PRR16: variants seen among roughly 807,000 people sequenced by gnomAD.
PRR16 encodes the protein protein Largen.
Under a neutral mutation model 18.2 loss-of-function variants are expected in PRR16, and 6 were observed. The observed-to-expected ratio is 0.33, with a 90% CI of 0.18 to 0.65. The LOEUF is 0.65. PRR16 is among the 30% of genes least tolerant of loss of function. PRR16 has a pLI of 0.74. For synonymous variants in PRR16, 151 were observed against 147.8 expected (o/e 1.02, Z -0.16); for missense variants, 412 against 376.6 (o/e 1.09, Z -0.78).
the PRR16 span, among the ~76,000 whole-genome samples, chr5:120,720,315 C>T: frequency 2.0e-5 from 3 of 151,770 alleles, no homozygotes; most frequent in Admixed American, 6.6e-5. Context: ...TTTATTCTGC[C>T]ATTTTTCCAC....
intron 1 of PRR16, among the ~76,000 whole-genome samples, chr5:120,490,630 C>G (rs1019198778): frequency 1.3e-5 from 2 of 152,180 alleles, no homozygotes; most frequent in Non-Finnish European, 2.9e-5. Context: ...GTTTGATTGT[C>G]TGAAGCCTTC....
At chr5:120,596,323 G>A (rs1194073715) in intron 1 of PRR16, among the ~76,000 whole-genome samples, 3 of 151,564 alleles carry the variant, frequency 2.0e-5, no homozygotes, top group Non-Finnish European at 3.0e-5. Flanking sequence ...AGTCCCCAGG[G>A]TGAAGTTAAA....
the PRR16 span, among the ~76,000 whole-genome samples, chr5:120,741,245 A>G: frequency 6.6e-6 from 1 of 151,884 alleles, no homozygotes; most frequent in Non-Finnish European, 1.5e-5. Flanking sequence ...TCATATATTT[A>G]TTTATTTATT....
At chr5:120,705,079 A>G in the PRR16 span, among the ~76,000 whole-genome samples, 1 of 100,338 alleles carries the variant, frequency 1.0e-5, no homozygotes, top group East Asian at 2.4e-4. Context: ...TGTCCATTGT[A>G]AAAAAAAAAG....
At chr5:120,749,477 G>C in the PRR16 span, among the ~76,000 whole-genome samples, 2 of 152,054 alleles carry the variant, frequency 1.3e-5, no homozygotes, top group South Asian at 2.1e-4. Flanking sequence ...TCAAATGTAA[G>C]TCTTTTAATA....
the PRR16 span, among the ~76,000 whole-genome samples, chr5:120,749,233 A>G: frequency 6.6e-6 from 1 of 152,156 alleles, no homozygotes; most frequent in African/African-American, 2.4e-5. Context: ...TATCATCATC[A>G]TAAACATTCT....
At chr5:120,602,822 T>G (rs1467871103) in intron 1 of PRR16, among the ~76,000 whole-genome samples, 1 of 151,982 alleles carries the variant, frequency 6.6e-6, no homozygotes, top group Non-Finnish European at 1.5e-5. Flanking sequence ...TTCAGTTGAT[T>G]ATGTGGTTTA....
chr5:120,745,307 T>C, the PRR16 span, among the ~76,000 whole-genome samples: 1 of 152,238 alleles, frequency 6.6e-6, no homozygotes, highest in Non-Finnish European at 1.5e-5. Flanking sequence ...TTCTGCTTTT[T>C]CTCTCTGCTT....
intron 1 of PRR16, among the ~76,000 whole-genome samples, chr5:120,663,268 T>G (rs1186340042): frequency 1.3e-5 from 2 of 152,118 alleles, no homozygotes; most frequent in African/African-American, 4.8e-5. Flanking sequence ...CCTTCTTAGT[T>G]TTTTTGGTTT....
intron 1 of PRR16, among the ~76,000 whole-genome samples, chr5:120,581,343 T>A (rs1753265688): frequency 6.6e-6 from 1 of 152,216 alleles, no homozygotes. Context: ...GTAGTTTGTA[T>A]TTCTGTGGGA....
intron 1 of PRR16, among the ~76,000 whole-genome samples, chr5:120,598,960 T>C (rs1442334456): frequency 2.0e-5 from 3 of 151,940 alleles, no homozygotes; most frequent in Non-Finnish European, 4.4e-5. Flanking sequence ...CTTTATATTA[T>C]AGGTTTGCCT....
the PRR16 span, among the ~76,000 whole-genome samples, chr5:120,703,012 T>A: frequency 1.3e-5 from 2 of 152,172 alleles, no homozygotes; most frequent in Admixed American, 6.5e-5. Context: ...GTGAGCAACA[T>A]GGCTGTTTAT....
At chr5:120,630,296 T>C (rs750296656) in intron 1 of PRR16, among the ~76,000 whole-genome samples, 9 of 152,134 alleles carry the variant, frequency 5.9e-5, no homozygotes, top group Non-Finnish European at 1.2e-4. Flanking sequence ...CAGATTGTCT[T>C]TTTTTATTAT....
chr5:120,734,404 T>C, the PRR16 span, among the ~76,000 whole-genome samples: 1 of 152,206 alleles, frequency 6.6e-6, no homozygotes, highest in African/African-American at 2.4e-5. Flanking sequence ...ATTTATAATA[T>C]GTTCTTTTCA....
intron 1 of PRR16, among the ~76,000 whole-genome samples, chr5:120,597,418 A>G (rs762274907): frequency 6.6e-6 from 1 of 151,570 alleles, no homozygotes; most frequent in Non-Finnish European, 1.5e-5. Context: ...TTTTTTGTGT[A>G]TTAATGTTTC....
At chr5:120,775,416 T>C in the PRR16 span, among the ~76,000 whole-genome samples, 1 of 152,202 alleles carries the variant, frequency 6.6e-6, no homozygotes, top group African/African-American at 2.4e-5. Context: ...GTGTTGTCCA[T>C]TCTACACCCT....
intron 1 of PRR16, among the ~76,000 whole-genome samples, chr5:120,561,407 A>G (rs1012871048): frequency 2.0e-5 from 3 of 151,794 alleles, no homozygotes; most frequent in Non-Finnish European, 4.4e-5. Context: ...TTTAATTTCT[A>G]TGTCTTTGTT....
At chr5:120,467,003 A>G (rs538843132) in intron 1 of PRR16, among the ~76,000 whole-genome samples, 205 of 152,350 alleles carry the variant, frequency 1.3e-3, no homozygotes, top group African/African-American at 4.7e-3. Flanking sequence ...AAATATTTTG[A>G]GAACAAAGTA....
At chr5:120,527,514 C>T (rs564552369) in intron 1 of PRR16, among the ~76,000 whole-genome samples, 14 of 152,256 alleles carry the variant, frequency 9.2e-5, no homozygotes, top group South Asian at 8.3e-4. Context: ...CAAATTAACA[C>T]GCCAGCAAGT....
Sources: allele counts gnomAD v4.1 joint callset (sites outside exome capture counted in the v4.1 genomes callset), GRCh38; gene constraint gnomAD v4.1.1; transcripts MANE v1.5; gene names NCBI Gene and HGNC (gene_info 2026-07-23, HGNC 2026-07-21).